Variants in PDS5A observed in about 807,000 individuals in gnomAD.
The protein encoded by PDS5A is PDS5 cohesin associated factor A.
In PDS5A, 42 loss-of-function variants were observed where a neutral mutation model predicts 167.1. That is an observed-to-expected ratio of 0.25 (90% CI 0.20 to 0.33). The LOEUF is 0.33. Ranked by LOEUF, PDS5A falls within the 10% of genes least tolerant of loss-of-function variation. The probability of loss-of-function intolerance (pLI) is 1.00; values close to 1 mark genes in which losing one functional copy is unlikely to be tolerated. For synonymous variants in PDS5A, 553 were observed against 554.6 expected (o/e 1.00, Z 0.04); for missense variants, 1,033 against 1,605.9 (o/e 0.64, Z 6.10).
intron 29 of PDS5A, among the ~76,000 whole-genome samples, chr4:39,845,282 T>G (rs1275267440): frequency 4.6e-5 from 7 of 152,196 alleles, no homozygotes; most frequent in Admixed American, 1.3e-4. Context: ...ATATCTCTAC[T>G]TAATAATAAC....
chr4:39,838,171 C>A lies in PDS5A; in HGVS notation c.3695G>T (p.Ser1232Ile). The A allele has an allele frequency of 6.2e-7, 1 of 1,610,856 alleles. No individual in the cohort carries two copies. Among genetic ancestry groups the A allele is most frequent in the Non-Finnish European group, 8.5e-7 (1 of 1,178,546 alleles). The change falls in exon 32 of 33, where the codon AGC becomes ATC. Residue 1232 changes from serine (S) to isoleucine (I), a missense_variant. Coordinates refer to ENST00000303538, the MANE Select transcript of PDS5A (RefSeq NM_001100399.2). Reference sequence around the variant, plus strand: ...TGTTCTTTTCTTTCCTCGGTCACTGCTGATGTTGCCCTGGGTAGCCTGATC... The same window carrying A: ...TGTTCTTTTCTTTCCTCGGTCACTGATGATGTTGCCCTGGGTAGCCTGATC... ...NSDQATQGNI[S>I]SDRGKKRTVT...
At chr4:39,955,965 A>T (rs1343766278) in intron 2 of PDS5A, among the ~76,000 whole-genome samples, 1 of 151,862 alleles carries the variant, frequency 6.6e-6, no homozygotes, top group East Asian at 1.9e-4. Context: ...AAATACAAAA[A>T]TTAGCCAGAC....
intron 2 of PDS5A, among the ~76,000 whole-genome samples, chr4:39,939,537 T>G (rs1027544117): frequency 6.6e-6 from 1 of 152,116 alleles, no homozygotes; most frequent in African/African-American, 2.4e-5. Flanking sequence ...GCTCACGCCT[T>G]AATTCCAGCA....
intron 26 of PDS5A, among the ~76,000 whole-genome samples, chr4:39,860,510 G>A (rs1241328962): frequency 1.3e-5 from 2 of 151,650 alleles, no homozygotes; most frequent in Non-Finnish European, 2.9e-5. Flanking sequence ...GAAATTAGTA[G>A]ATCTAAGAGA....
At chr4:39,873,628 T>A (rs1720235301) in intron 20 of PDS5A, among the ~76,000 whole-genome samples, 1 of 152,218 alleles carries the variant, frequency 6.6e-6, no homozygotes, top group Admixed American at 6.5e-5. Context: ...GAAACAGGAT[T>A]AATTTTCAGG....
chr4:39,871,689 G>A (rs1720044581), intron 21 of PDS5A, among the ~76,000 whole-genome samples: 1 of 152,068 alleles, frequency 6.6e-6, no homozygotes, highest in Admixed American at 6.6e-5. Context: ...ATTTGGTAAA[G>A]CAGTGATTCT....
chr4:39,851,004 G>T (rs567987531), intron 26 of PDS5A, among the ~76,000 whole-genome samples: 1 of 152,258 alleles, frequency 6.6e-6, no homozygotes. Context: ...GACTACTGTA[G>T]CATGCATTAG....
At chr4:39,962,790 C>T (rs1434732170) in intron 2 of PDS5A, among the ~76,000 whole-genome samples, 5 of 151,808 alleles carry the variant, frequency 3.3e-5, no homozygotes, top group African/African-American at 9.7e-5. Context: ...AGCGAGACTC[C>T]GTCTGGCGAG....
intron 2 of PDS5A, 101 bp downstream of exon 2, chr4:39,976,339 C>G: frequency 1.1e-6 from 1 of 929,126 alleles, no homozygotes; most frequent in Non-Finnish European, 1.6e-6. Context: ...GGTAAGAGAT[C>G]TAAAAAACTT....
intron 2 of PDS5A, among the ~76,000 whole-genome samples, chr4:39,969,665 T>C (rs1255210029): frequency 6.6e-6 from 1 of 150,548 alleles, no homozygotes; most frequent in African/African-American, 2.5e-5. Flanking sequence ...AAACTTGGTC[T>C]CAAAAAAAAG....
At chr4:39,953,921 T>G (rs931844258) in intron 2 of PDS5A, among the ~76,000 whole-genome samples, 1 of 152,148 alleles carries the variant, frequency 6.6e-6, no homozygotes, top group African/African-American at 2.4e-5. Flanking sequence ...TAAAAGTTCA[T>G]GGGAAACTTC....
chr4:39,916,387 C>T (rs1401082760), intron 8 of PDS5A, among the ~76,000 whole-genome samples: 2 of 151,782 alleles, frequency 1.3e-5, no homozygotes, highest in Non-Finnish European at 2.9e-5. Flanking sequence ...ATGAAAAGGT[C>T]ATAAAATTGT....
intron 17 of PDS5A, 119 bp downstream of exon 17, chr4:39,890,130 G>A (rs1721835909): frequency 3.4e-6 from 2 of 586,648 alleles, no homozygotes; most frequent in African/African-American, 3.7e-5. Context: ...GTACAACCCT[G>A]TGATTAAAAA....
chr4:39,922,712 T>C lies in PDS5A; in HGVS notation c.564A>G (p.Leu188=). The C allele has an allele frequency of 1.3e-6, 2 of 1,577,928 alleles. No individual in the cohort carries two copies. The highest frequency in any genetic ancestry group is 1.8e-5 in the Admixed American group (1 of 56,204). The change falls in exon 6 of 33, where the codon CTA becomes CTG. Residue 188 remains leucine (L), a synonymous_variant. Coordinates refer to ENST00000303538, the MANE Select transcript of PDS5A (RefSeq NM_001100399.2). ...SHNKKVQMHM[L]DLMSSIIMEG... ...CCATGATGATAGAACTCATCAAATC[T>C]AGCATGTGCATTTGTACCTTCTTAT...
chr4:39,834,125 C>A (rs946391513), intron 32 of PDS5A, among the ~76,000 whole-genome samples: 4 of 149,410 alleles, frequency 2.7e-5, no homozygotes, highest in Non-Finnish European at 5.9e-5. Flanking sequence ...GTTGAGCCTG[C>A]AGTGAGGCAA....
chr4:39,967,538 T>A (rs777245215), intron 2 of PDS5A, among the ~76,000 whole-genome samples: 102 of 151,670 alleles, frequency 6.7e-4, no homozygotes, highest in Admixed American at 1.8e-3. Flanking sequence ...CCCCAGCTAC[T>A]CAGGAGGCTG....
chr4:39,972,938 A>G (rs982274907), intron 2 of PDS5A, among the ~76,000 whole-genome samples: 18 of 151,670 alleles, frequency 1.2e-4, no homozygotes, highest in African/African-American at 3.6e-4. Context: ...TTTTAAATCA[A>G]TAAGTAATCT....
chr4:39,924,984 C>T (rs1043444322), intron 5 of PDS5A, among the ~76,000 whole-genome samples: 1 of 152,066 alleles, frequency 6.6e-6, no homozygotes, highest in African/African-American at 2.4e-5. Flanking sequence ...TGGTGGCACA[C>T]ACCTGTAGTC....
rs560908311 is a variant in PDS5A at position 39,909,598 on chromosome 4, T to C, written c.1087+646A>G. 1.2e-4 allele frequency among the ~76,000 whole-genome samples: 18 copies of C among 152,330 alleles called. No individual in the cohort carries two copies. In the East Asian group the frequency reaches 2.9e-3, roughly 24 times the overall value. On this transcript the variant is annotated intron_variant, in intron 10 of 32. Transcript: ENST00000303538. ...GTATATACTTGCAAATTACACAATA[T>C]AAAATCCAGAATATTTTATAATCTG...
Sources: gnomAD v4.1 joint callset for allele counts (sites outside exome capture counted in the v4.1 genomes callset) on GRCh38, gnomAD v4.1.1 for gene constraint, MANE v1.5 for transcripts, NCBI Gene and HGNC (gene_info 2026-07-23, HGNC 2026-07-21) for gene names.